The following LRMDA variants were observed in gnomAD, a reference collection of about 807,000 sequenced individuals.
The protein encoded by LRMDA is leucine rich melanocyte differentiation associated, also known as leucine-rich melanocyte differentiation-associated protein.
In LRMDA, 18 loss-of-function variants were observed where a neutral mutation model predicts 29.8. That is an observed-to-expected ratio of 0.60 (90% CI 0.42 to 0.90). LRMDA has a LOEUF of 0.90. Ranked by LOEUF, LRMDA falls within the 40% of genes least tolerant of loss-of-function variation. LRMDA has a pLI of 0.00. For synonymous variants in LRMDA, 125 were observed against 109.4 expected (o/e 1.14, Z -0.89); for missense variants, 273 against 273.9 (o/e 1.00, Z 0.02).
intron 2 of LRMDA, among the ~76,000 whole-genome samples, chr10:75,667,814 A>G (rs796114284): frequency 1.3e-5 from 2 of 152,338 alleles, no homozygotes; most frequent in African/African-American, 4.8e-5. Flanking sequence ...AGATGAAAAA[A>G]ACGTATTAAT....
chr10:75,912,224 C>T lies in LRMDA; in HGVS notation c.132-123784C>T, dbSNP rs144287867. ...ACTCTCCCACTCCTAGGGTCACCTCCCCAAAAATGCTTTCACCTAAATCCT... is the reference window on the plus strand; with the variant it reads ...ACTCTCCCACTCCTAGGGTCACCTCTCCAAAAATGCTTTCACCTAAATCCT... On this transcript the variant is annotated intron_variant, in intron 2 of 6. Transcript: ENST00000611255. Among the ~76,000 whole-genome samples the T allele has an allele frequency of 2.8e-4, 43 of 152,264 alleles. No homozygotes were observed. The East Asian group carries it at 3.7e-3, about 13-fold the overall frequency.
intron 6 of LRMDA, among the ~76,000 whole-genome samples, chr10:76,408,111 A>G (rs1168260606): frequency 2.6e-5 from 4 of 152,340 alleles, no homozygotes; most frequent in Non-Finnish European, 4.4e-5. Flanking sequence ...CATAACCCAA[A>G]GAAAGGAAAA....
At chr10:76,301,775 G>T (rs1251492429) in intron 5 of LRMDA, among the ~76,000 whole-genome samples, 1 of 152,160 alleles carries the variant, frequency 6.6e-6, no homozygotes, top group Non-Finnish European at 1.5e-5. Flanking sequence ...AGCTATATGG[G>T]ATAATAAAAA....
At chr10:75,824,184 T>G (rs1844211947) in intron 2 of LRMDA, among the ~76,000 whole-genome samples, 1 of 152,214 alleles carries the variant, frequency 6.6e-6, no homozygotes, top group Non-Finnish European at 1.5e-5. Flanking sequence ...TGATTGTATT[T>G]GGGACATATT....
At chr10:76,260,645 G>C (rs1304489615) in intron 5 of LRMDA, among the ~76,000 whole-genome samples, 2 of 152,128 alleles carry the variant, frequency 1.3e-5, no homozygotes, top group Admixed American at 6.5e-5. Flanking sequence ...TTGACAATTT[G>C]AGTATAATGT....
intron 2 of LRMDA, among the ~76,000 whole-genome samples, chr10:75,674,237 G>A (rs1166850855): frequency 3.3e-5 from 5 of 152,254 alleles, no homozygotes; most frequent in African/African-American, 1.2e-4. Context: ...AAAGATTAGA[G>A]GTGTCTTTAG....
chr10:76,541,072 C>T (rs1345613227), intron 6 of LRMDA, among the ~76,000 whole-genome samples: 1 of 152,030 alleles, frequency 6.6e-6, no homozygotes, highest in Non-Finnish European at 1.5e-5. Flanking sequence ...GATAACTGTC[C>T]GTGGCCCAAA....
chr10:75,670,010 A>G (rs1176568233), intron 2 of LRMDA, among the ~76,000 whole-genome samples: 1 of 152,224 alleles, frequency 6.6e-6, no homozygotes, highest in Non-Finnish European at 1.5e-5. Context: ...TTAAAAATAT[A>G]GCAACTCTTT....
At chr10:76,000,244 G>A (rs933285533) in intron 2 of LRMDA, among the ~76,000 whole-genome samples, 1 of 152,170 alleles carries the variant, frequency 6.6e-6, no homozygotes, top group Non-Finnish European at 1.5e-5. Flanking sequence ...TGTGTGGCAA[G>A]TCATCTTAAA....
intron 2 of LRMDA, among the ~76,000 whole-genome samples, chr10:75,877,991 G>A (rs1845228683): frequency 6.6e-6 from 1 of 152,132 alleles, no homozygotes; most frequent in Admixed American, 6.5e-5. Flanking sequence ...CCCTGCTGCT[G>A]AAACCCCTTG....
intron 2 of LRMDA, among the ~76,000 whole-genome samples, chr10:75,810,208 T>A (rs1029906988): frequency 5.3e-5 from 8 of 152,148 alleles, no homozygotes; most frequent in African/African-American, 1.9e-4. Flanking sequence ...GCAGTAGAGT[T>A]GGTGATAGGG....
At chr10:76,512,529 CATAA>C (rs912863435) in intron 6 of LRMDA, among the ~76,000 whole-genome samples, 1 of 152,116 alleles carries the variant, frequency 6.6e-6, no homozygotes, top group African/African-American at 2.4e-5. Context: ...TGCCTGTACT[CATAA>C]ATAAAGTTTC....
At chr10:75,918,514 A>G (rs1392716327) in intron 2 of LRMDA, among the ~76,000 whole-genome samples, 1 of 152,122 alleles carries the variant, frequency 6.6e-6, no homozygotes, top group Admixed American at 6.5e-5. Flanking sequence ...TCACTAGGAC[A>G]GCACCAAGGG....
chr10:76,321,644 A>G (rs1840772607), intron 5 of LRMDA, among the ~76,000 whole-genome samples: 1 of 152,126 alleles, frequency 6.6e-6, no homozygotes, highest in Non-Finnish European at 1.5e-5. Context: ...TGCCATAGGC[A>G]TTTAGAAAAT....
intron 2 of LRMDA, among the ~76,000 whole-genome samples, chr10:75,825,122 A>G (rs1844226810): frequency 6.6e-6 from 1 of 152,242 alleles, no homozygotes. Context: ...GCTGGAGCTT[A>G]TCTTGACTAG....
intron 5 of LRMDA, among the ~76,000 whole-genome samples, chr10:76,122,093 A>G (rs1461167465): frequency 6.6e-6 from 1 of 152,210 alleles, no homozygotes; most frequent in Non-Finnish European, 1.5e-5. Flanking sequence ...AGAGAAGGTG[A>G]CATCTCATGC....
intron 2 of LRMDA, among the ~76,000 whole-genome samples, chr10:75,753,244 T>C (rs2132221422): frequency 6.6e-6 from 1 of 152,280 alleles, no homozygotes; most frequent in East Asian, 1.9e-4. Flanking sequence ...CTGGACTAGT[T>C]GAAAGTGCTG....
intron 2 of LRMDA, among the ~76,000 whole-genome samples, chr10:75,560,554 G>A: frequency 6.6e-6 from 1 of 151,684 alleles, no homozygotes; most frequent in Admixed American, 6.6e-5. Context: ...GCCCTGGTCA[G>A]AACTTCCAAC....
intron 5 of LRMDA, among the ~76,000 whole-genome samples, chr10:76,095,061 T>C (rs1467871880): frequency 6.6e-6 from 1 of 152,246 alleles, no homozygotes; most frequent in Non-Finnish European, 1.5e-5. Context: ...CAAAGATGTC[T>C]GATAATTATC....
Sources: allele counts gnomAD v4.1 joint callset (sites outside exome capture counted in the v4.1 genomes callset), GRCh38; gene constraint gnomAD v4.1.1; transcripts MANE v1.5; gene names NCBI Gene and HGNC (gene_info 2026-07-23, HGNC 2026-07-21).